Variants in LARGE1 observed in about 807,000 individuals in gnomAD.
LARGE1 encodes the protein LARGE xylosyl- and glucuronyltransferase 1.
In LARGE1, 43 loss-of-function variants were observed where a neutral mutation model predicts 87.6. That is an observed-to-expected ratio of 0.49 (90% confidence interval 0.38 to 0.63). The LOEUF is 0.63. Among genes scored for constraint, LARGE1 ranks in the 30% least tolerant of loss-of-function variants. LARGE1 has a pLI of 0.00. For synonymous variants in LARGE1, 434 were observed against 394.6 expected (o/e 1.10, Z -1.18); for missense variants, 802 against 1,000.2 (o/e 0.80, Z 2.67).
chr22:33,480,673 C>T (rs1323366868), intron 6 of LARGE1, among the ~76,000 whole-genome samples: 2 of 151,966 alleles, frequency 1.3e-5, no homozygotes, highest in Non-Finnish European at 2.9e-5. Context: ...AAAAAAATTC[C>T]TTTCATAAAA....
In LARGE1 at chr22:33,392,058, C is replaced by T. The variant is rs955950981; in HGVS notation, c.893-7754G>A. Among the ~76,000 whole-genome samples, 16 of 151,964 alleles carry T rather than the reference C, an allele frequency of 1.1e-4. No homozygotes were observed. In the East Asian group the frequency reaches 2.9e-3, roughly 28 times the overall value. On this transcript the variant is annotated intron_variant, in intron 7 of 14. Coordinates refer to ENST00000397394, the MANE Select transcript of LARGE1 (RefSeq NM_133642.5). ...TGTTGCAATTACAGGTGTGAGCCAC[C>T]GTGCCCAGCCTACCACAGGTTATTC...
At chr22:33,822,491 G>C (rs893201467) in intron 1 of LARGE1, among the ~76,000 whole-genome samples, 6 of 152,104 alleles carry the variant, frequency 3.9e-5, no homozygotes, top group Admixed American at 1.3e-4. Context: ...CTGAGGTCAG[G>C]AGTTCGAGAC....
chr22:33,184,370 G>C (rs1923362576), intron 11 of LARGE1, among the ~76,000 whole-genome samples: 1 of 150,624 alleles, frequency 6.6e-6, no homozygotes, highest in Non-Finnish European at 1.5e-5. Flanking sequence ...AATCACAAGA[G>C]AATAAAAAAT....
intron 2 of LARGE1, among the ~76,000 whole-genome samples, chr22:33,687,282 AC>A (rs1485286512): frequency 6.6e-6 from 1 of 150,424 alleles, no homozygotes; most frequent in African/African-American, 2.5e-5. Flanking sequence ...GGCGTGTGCC[AC>A]CGTGCATGGC....
At chr22:33,663,727 T>C (rs1204149115) in intron 2 of LARGE1, among the ~76,000 whole-genome samples, 1 of 152,190 alleles carries the variant, frequency 6.6e-6, no homozygotes, top group East Asian at 1.9e-4. Flanking sequence ...CACTTTATAC[T>C]TCCATCTTTT....
intron 1 of LARGE1, among the ~76,000 whole-genome samples, chr22:33,883,213 C>T (rs1038381834): frequency 1.3e-5 from 2 of 152,116 alleles, no homozygotes; most frequent in Non-Finnish European, 2.9e-5. Context: ...TGTCGGGGAG[C>T]GCTGCTTTGC....
intron 6 of LARGE1, among the ~76,000 whole-genome samples, chr22:33,505,879 T>C (rs2070740923): frequency 6.6e-6 from 1 of 152,186 alleles, no homozygotes; most frequent in South Asian, 2.1e-4. Flanking sequence ...TCTGACAACT[T>C]TGCTCTCAGA....
chr22:33,838,273 A>G (rs1601741857), intron 1 of LARGE1, among the ~76,000 whole-genome samples: 1 of 152,166 alleles, frequency 6.6e-6, no homozygotes, highest in East Asian at 1.9e-4. Context: ...CTATGTGGGG[A>G]CTATGGCTGC....
At chr22:33,130,224 A>G in the LARGE1 span, among the ~76,000 whole-genome samples, 9 of 149,902 alleles carry the variant, frequency 6.0e-5, no homozygotes, top group East Asian at 2.0e-4. Flanking sequence ...TGAGGCAGGA[A>G]AATGGCGTGA....
chr22:33,553,792 G>C (rs1569264162), intron 6 of LARGE1, among the ~76,000 whole-genome samples: 1 of 152,126 alleles, frequency 6.6e-6, no homozygotes, highest in Non-Finnish European at 1.5e-5. Context: ...ACTTGAGTTG[G>C]GAAAGGGAGT....
intron 4 of LARGE1, among the ~76,000 whole-genome samples, chr22:33,610,679 AT>A (rs1411340995): frequency 6.6e-6 from 1 of 152,166 alleles, no homozygotes; most frequent in Non-Finnish European, 1.5e-5. Flanking sequence ...CTTGCTAGAG[AT>A]ATTAGCATAA....
chr22:33,164,246 T>G (rs1017338222), exon 12 of LARGE1: 1 of 152,216 alleles, frequency 6.6e-6, no homozygotes, highest in Non-Finnish European at 1.5e-5. Context: ...GACTTTTCGC[T>G]TTGTCTGTTT....
intron 8 of LARGE1, among the ~76,000 whole-genome samples, chr22:33,382,610 C>G (rs1039737151): frequency 2.6e-5 from 4 of 152,168 alleles, no homozygotes; most frequent in Admixed American, 2.6e-4. Flanking sequence ...CCTGACTTGT[C>G]TAGGGAGGTT....
At chr22:33,553,619 T>C (rs1267877761) in intron 6 of LARGE1, among the ~76,000 whole-genome samples, 3 of 152,174 alleles carry the variant, frequency 2.0e-5, no homozygotes, top group Non-Finnish European at 4.4e-5. Context: ...GACTTTGAAA[T>C]GTATCATGTC....
At chr22:33,474,174 A>AT (rs1428614715) in intron 6 of LARGE1, among the ~76,000 whole-genome samples, 2 of 151,880 alleles carry the variant, frequency 1.3e-5, no homozygotes, top group Non-Finnish European at 2.9e-5. Context: ...TTATTTATTT[A>AT]TTTTTTGAGA....
chr22:33,281,706 AG>A (rs887730797), intron 13 of LARGE1, among the ~76,000 whole-genome samples: 2 of 152,214 alleles, frequency 1.3e-5, no homozygotes, highest in African/African-American at 4.8e-5. Context: ...TAACTCTTCC[AG>A]GCCACTTTCC....
chr22:33,545,198 T>G (rs566758207), intron 6 of LARGE1, among the ~76,000 whole-genome samples: 1 of 152,084 alleles, frequency 6.6e-6, no homozygotes, highest in Non-Finnish European at 1.5e-5. Flanking sequence ...ACTGGGAAAG[T>G]AGGTCATGTA....
chr22:33,539,058 C>G (rs939256646), intron 6 of LARGE1, among the ~76,000 whole-genome samples: 1 of 152,058 alleles, frequency 6.6e-6, no homozygotes, highest in Non-Finnish European at 1.5e-5. Context: ...TATTGTTTTA[C>G]GAAAATATTG....
intron 1 of LARGE1, among the ~76,000 whole-genome samples, chr22:33,842,944 A>AAAAC (rs1555883224): frequency 8.4e-5 from 11 of 130,724 alleles, no homozygotes; most frequent in African/African-American, 5.1e-4. Flanking sequence ...AAAACAAAAC[A>AAAAC]AAACAAAACA....
Sources: allele counts gnomAD v4.1 joint callset (sites outside exome capture counted in the v4.1 genomes callset), GRCh38; gene constraint gnomAD v4.1.1; transcripts MANE v1.5; gene names NCBI Gene and HGNC (gene_info 2026-07-23, HGNC 2026-07-21).